Variants in NUBPL observed in about 807,000 individuals in gnomAD.
NUBPL encodes the protein NUBP iron-sulfur cluster assembly factor, mitochondrial.
Under a neutral mutation model 45.7 loss-of-function variants are expected in NUBPL, and 31 were observed. The ratio of observed to expected loss-of-function variants is 0.68; its 90% confidence interval spans 0.51 to 0.92. The LOEUF (loss-of-function observed/expected upper bound fraction) is 0.92. Among genes scored for constraint, NUBPL ranks in the 40% least tolerant of loss-of-function variants. The probability of loss-of-function intolerance (pLI) is 0.00; values close to 1 mark genes in which losing one functional copy is unlikely to be tolerated. For missense variants in NUBPL, 401 were observed against 398.7 expected (o/e 1.01, Z -0.05); for synonymous variants, 144 against 140.9 (o/e 1.02, Z -0.15).
intron 4 of NUBPL, among the ~76,000 whole-genome samples, chr14:31,614,395 T>C (rs1344541026): frequency 2.0e-5 from 3 of 152,212 alleles, no homozygotes; most frequent in African/African-American, 7.2e-5. Context: ...GTAAGTAGCA[T>C]AGCCTTTGGA....
At chr14:31,750,422 C>A (rs890662055) in intron 6 of NUBPL, among the ~76,000 whole-genome samples, 19 of 149,690 alleles carry the variant, frequency 1.3e-4, no homozygotes, top group Non-Finnish European at 2.5e-4. Context: ...TGGTCTCGAT[C>A]TCCTGACCTC....
At chr14:31,731,973 C>T (rs1168955087) in intron 6 of NUBPL, among the ~76,000 whole-genome samples, 4 of 151,772 alleles carry the variant, frequency 2.6e-5, no homozygotes, top group African/African-American at 7.3e-5. Flanking sequence ...GAGGCCGAGG[C>T]GGGCGGATCA....
chr14:31,720,370 A>G (rs4981888), intron 6 of NUBPL, among the ~76,000 whole-genome samples: 1 of 152,188 alleles, frequency 6.6e-6, no homozygotes, highest in Non-Finnish European at 1.5e-5. Context: ...TGGATATAGT[A>G]ATATATCCTC....
In NUBPL at chr14:31,561,659, C is replaced by T. The variant is rs775978558; in HGVS notation, c.108+112C>T. The T allele has an allele frequency of 2.3e-4, 165 of 724,170 alleles. No homozygotes were observed. The East Asian group carries it at 5.1e-3, about 22-fold the overall frequency. The allele number at this position is 724,170 out of a possible 1,614,324, so 44.9% of individuals were successfully genotyped here. A position where few individuals can be genotyped will look rare whatever the true frequency, so the allele number is the denominator to read the frequency against. ...AGACTCGCCTCAGTTCCTGAGACCC[C>T]CAGTGTGCTGGACGTGCCTACTTTT... On this transcript the variant is annotated intron_variant, in intron 1 of 10. Transcript: ENST00000281081.
rs112557216 is a variant in NUBPL at position 31,805,190 on chromosome 14, T to C, written c.607+17317T>C. 5.6e-3 allele frequency among the ~76,000 whole-genome samples: 851 copies of C among 152,198 alleles called. 8 individuals are homozygous for C. The highest frequency in any genetic ancestry group is 0.019 in the African/African-American group (802 of 41,530). Reference sequence around the variant, plus strand: ...TCAACATCACTGATCACTAGAGAAATGCAAATCAAAACCACAATGAGATAT... The same window carrying C: ...TCAACATCACTGATCACTAGAGAAACGCAAATCAAAACCACAATGAGATAT... On this transcript the variant is annotated intron_variant, in intron 7 of 10. Transcript: ENST00000281081.
chr14:31,814,148 C>T (rs568994577), intron 7 of NUBPL, among the ~76,000 whole-genome samples: 1 of 152,312 alleles, frequency 6.6e-6, no homozygotes, highest in African/African-American at 2.4e-5. Flanking sequence ...ACACTCCCAC[C>T]AACAGTGTAA....
chr14:31,798,311 T>TTG (rs937327638), intron 7 of NUBPL, among the ~76,000 whole-genome samples: 1 of 150,448 alleles, frequency 6.6e-6, no homozygotes, highest in Non-Finnish European at 1.5e-5. Context: ...TGGTTTTTTT[T>TTG]TTTTTTTTTT....
At chr14:31,709,757 C>T (rs2037529674) in intron 6 of NUBPL, among the ~76,000 whole-genome samples, 1 of 152,164 alleles carries the variant, frequency 6.6e-6, no homozygotes, top group South Asian at 2.1e-4. Context: ...AAATTCCCCT[C>T]CCCCTACAGC....
chr14:31,662,445 C>T (rs936846808), intron 4 of NUBPL, among the ~76,000 whole-genome samples: 2 of 151,940 alleles, frequency 1.3e-5, no homozygotes. Context: ...TTTAGGTTAT[C>T]TATCCTAATG....
chr14:31,607,745 A>G (rs986053455), intron 4 of NUBPL, among the ~76,000 whole-genome samples: 4 of 152,176 alleles, frequency 2.6e-5, no homozygotes, highest in African/African-American at 9.6e-5. Flanking sequence ...GATCTAGGAA[A>G]TAGTCTCAAA....
chr14:31,853,571 C>T (rs2040573544), intron 10 of NUBPL, among the ~76,000 whole-genome samples: 1 of 152,140 alleles, frequency 6.6e-6, no homozygotes, highest in African/African-American at 2.4e-5. Flanking sequence ...CTCCCAGTAA[C>T]ATTTAACTTT....
chr14:31,592,738 CTA>C (rs2034175179), intron 3 of NUBPL, among the ~76,000 whole-genome samples: 2 of 152,054 alleles, frequency 1.3e-5, no homozygotes, highest in Admixed American at 1.3e-4. Context: ...CCTGTATTAT[CTA>C]TATTTCTGTT....
At chr14:31,563,640 A>G (rs1050114796) in intron 2 of NUBPL, among the ~76,000 whole-genome samples, 3 of 152,184 alleles carry the variant, frequency 2.0e-5, no homozygotes, top group African/African-American at 7.2e-5. Context: ...GCCTCAAACT[A>G]CTTCAAAATA....
At chr14:31,798,300 A>C (rs1595642106) in intron 7 of NUBPL, among the ~76,000 whole-genome samples, 1 of 87,274 alleles carries the variant, frequency 1.1e-5, no homozygotes. Context: ...GTATTTATTT[A>C]TGGTTTTTTT....
chr14:31,614,332 A>T (rs971578141), intron 4 of NUBPL, among the ~76,000 whole-genome samples: 1 of 152,222 alleles, frequency 6.6e-6, no homozygotes, highest in South Asian at 2.1e-4. Context: ...TTGAGATACC[A>T]GTTTTAATAA....
At chr14:31,591,206 A>G (rs2034133558) in intron 3 of NUBPL, among the ~76,000 whole-genome samples, 1 of 152,186 alleles carries the variant, frequency 6.6e-6, no homozygotes, top group Non-Finnish European at 1.5e-5. Flanking sequence ...TCTGTCACCC[A>G]GGCTGGAATG....
Position 31,850,071 on chromosome 14 carries a change from C to T in NUBPL, c.815-48C>T, listed in dbSNP as rs111951560. ...GTTCAAATAGTGAGATTCAAAATGC[C>T]TATATGAACTTTTCTGGTTCTAATG... On this transcript the variant is annotated intron_variant, in intron 9 of 10. Coordinates refer to ENST00000281081, the MANE Select transcript of NUBPL (RefSeq NM_025152.3). 2,919 of 1,377,188 alleles carry T rather than the reference C, an allele frequency of 2.1e-3. 43 individuals carry two copies. In the African/African-American group the frequency reaches 0.037, roughly 17 times the overall value. The allele number at this position is 1,377,188 out of a possible 1,614,324, so 85.3% of individuals were successfully genotyped here.
At chr14:31,653,979 A>G in intron 4 of NUBPL, 1 of 403,266 alleles carries the variant, frequency 2.5e-6, no homozygotes, top group South Asian at 1.8e-5. Flanking sequence ...TGTCTCTCCT[A>G]TTGACTTTGT....
At chr14:31,744,554 C>G (rs1362031497) in intron 6 of NUBPL, among the ~76,000 whole-genome samples, 1 of 149,528 alleles carries the variant, frequency 6.7e-6, no homozygotes, top group Admixed American at 6.7e-5. Flanking sequence ...TATTTTGTAA[C>G]TGTATACAGG....
Sources: gnomAD v4.1 joint callset for allele counts (sites outside exome capture counted in the v4.1 genomes callset) on GRCh38, gnomAD v4.1.1 for gene constraint, MANE v1.5 for transcripts, NCBI Gene and HGNC (gene_info 2026-07-23, HGNC 2026-07-21) for gene names.